Variants in ANO4 observed in about 807,000 individuals in gnomAD.
The protein encoded by ANO4 is anoctamin-4.
Under a neutral mutation model 141.9 loss-of-function variants are expected in ANO4, and 69 were observed. The ratio of observed to expected loss-of-function variants is 0.49; its 90% confidence interval spans 0.40 to 0.59. ANO4 has a LOEUF of 0.59. Among genes scored for constraint, ANO4 ranks in the 20% least tolerant of loss-of-function variants. The pLI is 0.00. For missense variants in ANO4, 894 were observed against 1,162.2 expected (o/e 0.77, Z 3.36); for synonymous variants, 350 against 394.3 (o/e 0.89, Z 1.33).
rs183255059 is a variant in ANO4 at position 100,956,202 on chromosome 12, G to A, written c.456+13667G>A. Reference sequence around the variant, plus strand: ...ATATTTAAATAAGAATCATCTCAATGCCAATTTCTTTCAGGCCAAGGATTT... The same window carrying A: ...ATATTTAAATAAGAATCATCTCAATACCAATTTCTTTCAGGCCAAGGATTT... On this transcript the variant is annotated intron_variant, in intron 5 of 27. Transcript: ENST00000392977. 1.6e-4 allele frequency among the ~76,000 whole-genome samples: 24 copies of A among 152,152 alleles called. No individual in the cohort carries two copies. The East Asian group carries it at 3.9e-3, about 24-fold the overall frequency.
chr12:101,058,123 C>G (rs1305627032), intron 14 of ANO4, among the ~76,000 whole-genome samples: 3 of 152,154 alleles, frequency 2.0e-5, no homozygotes, highest in Non-Finnish European at 1.5e-5. Context: ...ATAGGGAATC[C>G]TTTCCCCATT....
chr12:100,927,907 A>G (rs1283695535), intron 3 of ANO4, among the ~76,000 whole-genome samples: 3 of 152,108 alleles, frequency 2.0e-5, no homozygotes, highest in African/African-American at 7.2e-5. Flanking sequence ...TAGTGTTTGC[A>G]GTGAGATCTG....
At chr12:100,881,498 G>A (rs916928619) in intron 1 of ANO4, among the ~76,000 whole-genome samples, 24 of 151,080 alleles carry the variant, frequency 1.6e-4, no homozygotes, top group Non-Finnish European at 3.2e-4. Flanking sequence ...TAACAAATAA[G>A]CCATAATGTA....
chr12:101,081,965 A>G (rs913558483), intron 15 of ANO4, among the ~76,000 whole-genome samples: 1 of 152,164 alleles, frequency 6.6e-6, no homozygotes, highest in Non-Finnish European at 1.5e-5. Flanking sequence ...ACCTGTTTCC[A>G]CATATGGTCA....
chr12:100,795,943 G>T (rs1171779514), intron 1 of ANO4, among the ~76,000 whole-genome samples: 1 of 151,868 alleles, frequency 6.6e-6, no homozygotes, highest in Non-Finnish European at 1.5e-5. Flanking sequence ...ACAACTTCAA[G>T]TCTATTACTG....
At chr12:100,753,287 G>A (rs1054447320) in intron 3 of ANO4, among the ~76,000 whole-genome samples, 1 of 152,150 alleles carries the variant, frequency 6.6e-6, no homozygotes, top group African/African-American at 2.4e-5. Context: ...GTGGAATTAG[G>A]GAACTGTGAA....
chr12:101,094,230 T>C, intron 17 of ANO4, 26 bp from the exon 18 acceptor site: 2 of 1,596,206 alleles, frequency 1.3e-6, no homozygotes, highest in East Asian at 2.2e-5. Context: ...AGTTCATTTA[T>C]TAAATGCATG....
chr12:100,771,303 C>G (rs1055247802), intron 3 of ANO4, among the ~76,000 whole-genome samples: 1 of 152,162 alleles, frequency 6.6e-6, no homozygotes, highest in Non-Finnish European at 1.5e-5. Context: ...ACCAACTCTA[C>G]TGACTCTTGC....
intron 8 of ANO4, among the ~76,000 whole-genome samples, chr12:101,016,866 C>G (rs1041426993): frequency 3.3e-5 from 5 of 152,290 alleles, no homozygotes; most frequent in Admixed American, 2.0e-4. Flanking sequence ...AGTGTTATCC[C>G]CATTTCACAG....
Position 100,974,903 on chromosome 12 carries a change from T to G in ANO4, c.602+14T>G. On this transcript the variant is annotated intron_variant, in intron 7 of 27. Transcript: ENST00000392977. ...GTTCATGAGCAGGTTAGTAGCACGC[T>G]CTGTCCTGACAGTGTTTGTCTTTCT... 6.2e-7 allele frequency: 1 copy of G among 1,613,898 alleles called. No individual in the cohort carries two copies. Among genetic ancestry groups the G allele is most frequent in the Non-Finnish European group, 8.5e-7 (1 of 1,179,798 alleles).
chr12:101,060,110 T>C (rs2048288388), intron 14 of ANO4, among the ~76,000 whole-genome samples: 1 of 152,252 alleles, frequency 6.6e-6, no homozygotes, highest in Non-Finnish European at 1.5e-5. Context: ...AAATAACTTA[T>C]TTATTTCTGC....
At chr12:100,777,536 C>T (rs1012377743) in intron 3 of ANO4, among the ~76,000 whole-genome samples, 7 of 151,904 alleles carry the variant, frequency 4.6e-5, no homozygotes, top group South Asian at 4.2e-4. Context: ...AGACACAGCC[C>T]GAAGATTCAG....
chr12:100,724,013 A>C (rs2030984642), intron 1 of ANO4, among the ~76,000 whole-genome samples: 1 of 105,286 alleles, frequency 9.5e-6, no homozygotes. Flanking sequence ...AAGCAAAACA[A>C]AAACAAACAA....
rs998809866 is a variant in ANO4, at chr12:100,783,328, A to G, written c.358+43223A>G. 3.3e-5 allele frequency among the ~76,000 whole-genome samples: 5 copies of G among 152,256 alleles called. No individual in the cohort carries two copies. In the East Asian group the frequency reaches 9.7e-4, roughly 29 times the overall value. On this transcript the variant is annotated intron_variant, in intron 3 of 29. Transcript: ENST00000644049. ...CCCATTTTCAATAGATCTTACTTTC[A>G]ATTTATGAAATATCTTGTTTCCATC...
intron 9 of ANO4, 39 bp downstream of exon 9, chr12:101,020,179 T>A (rs372263806): frequency 7.6e-5 from 108 of 1,429,732 alleles, no homozygotes; most frequent in Non-Finnish European, 1.0e-4. Context: ...CATTTGGCAT[T>A]TGGGAATTAC....
At chr12:101,101,277 T>C (rs371554687) in intron 22 of ANO4, among the ~76,000 whole-genome samples, 1 of 152,192 alleles carries the variant, frequency 6.6e-6, no homozygotes, top group Non-Finnish European at 1.5e-5. Flanking sequence ...TAAATGTAAT[T>C]GTAGAGTACA....
rs1246411414 is a variant in ANO4 at position 101,086,710 on chromosome 12, G to A, written c.1587G>A (p.Val529=). 6.2e-7 allele frequency: 1 copy of A among 1,613,860 alleles called. No individual in the cohort carries two copies. The highest frequency in any genetic ancestry group is 8.5e-7 in the Non-Finnish European group (1 of 1,179,814). Residue 529 remains valine, a synonymous_variant, in exon 17 of 28, where the codon GTG becomes GTA. Coordinates refer to ENST00000392977, the MANE Select transcript of ANO4 (RefSeq NM_001286615.2). ...TCGGGATCGTCATTTACCGGGTGGT[G>A]ACTGTCAGCACTTTCGCTGCCTTTA... ...AVFGIVIYRV[V]TVSTFAAFKW... is the part of the protein sequence containing the mutation.
upstream of ANO4, among the ~76,000 whole-genome samples, chr12:100,792,606 A>T (rs995582902): frequency 7.2e-5 from 11 of 152,250 alleles, no homozygotes; most frequent in African/African-American, 2.7e-4. Flanking sequence ...AACTTTAAAA[A>T]TTAATGGCGT....
intron 2 of ANO4, among the ~76,000 whole-genome samples, chr12:100,918,496 A>G (rs554819967): frequency 2.2e-3 from 340 of 152,310 alleles, no homozygotes; most frequent in Non-Finnish European, 4.2e-3. Flanking sequence ...ATATGCAGTC[A>G]TGCACCGCAT....
Sources: allele counts gnomAD v4.1 joint callset (sites outside exome capture counted in the v4.1 genomes callset), GRCh38; gene constraint gnomAD v4.1.1; transcripts MANE v1.5; gene names NCBI Gene and HGNC (gene_info 2026-07-23, HGNC 2026-07-21).